CTXND2: variants seen among roughly 807,000 people sequenced by gnomAD.
CTXND2 encodes cortexin domain containing 2.
intron 1 of CTXND2, among the ~76,000 whole-genome samples, chr1:150,902,762 A>G (rs776964055): frequency 6.6e-5 from 10 of 152,110 alleles, no homozygotes; most frequent in Non-Finnish European, 1.0e-4. Context: ...AGTGGAATAT[A>G]AACAAGACAA....
At chr1:150,912,881 TAAG>T (rs1669279658) in exon 2 of CTXND2, 1 of 155,534 alleles carries the variant, frequency 6.4e-6, no homozygotes, top group Non-Finnish European at 1.4e-5. Context: ...AAATGTCCTA[TAAG>T]AAGAGTGTAA....
intron 1 of CTXND2, among the ~76,000 whole-genome samples, chr1:150,910,154 G>T (rs587734061): frequency 1.5e-5 from 2 of 129,276 alleles, no homozygotes; most frequent in Admixed American, 8.7e-5. Flanking sequence ...TTTTTGAGAC[G>T]GGTCTCCATC....
intron 1 of CTXND2, among the ~76,000 whole-genome samples, chr1:150,900,108 C>T (rs1325326880): frequency 2.6e-5 from 4 of 152,144 alleles, no homozygotes; most frequent in South Asian, 2.1e-4. Flanking sequence ...GGTCCCTTTC[C>T]ACCGTGTGGA....
intron 1 of CTXND2, among the ~76,000 whole-genome samples, chr1:150,899,319 T>C (rs1668962096): frequency 1.3e-5 from 2 of 151,304 alleles, no homozygotes; most frequent in African/African-American, 4.9e-5. Context: ...CCTATAGTCC[T>C]AGCTACTTGG....
At chr1:150,905,762 G>T (rs1028119747) in intron 1 of CTXND2, among the ~76,000 whole-genome samples, 1 of 151,906 alleles carries the variant, frequency 6.6e-6, no homozygotes, top group African/African-American at 2.4e-5. Context: ...AGGCCGAGAC[G>T]GGCAGATCAC....
rs1669109388 is a variant in CTXND2, at chr1:150,904,953, T to C, written c.-73-7289T>C. Reference sequence around the variant, plus strand: ...ATAAAACTGTAGAACTGCTATGTATTTGTGATTGGGAATGATGCTTTTGCC... The same window carrying C: ...ATAAAACTGTAGAACTGCTATGTATCTGTGATTGGGAATGATGCTTTTGCC... On this transcript the variant is annotated intron_variant, in intron 1 of 1. Coordinates refer to ENST00000636087, the Ensembl canonical transcript of CTXND2. Among the ~76,000 whole-genome samples, 3 of 152,042 alleles carry C rather than the reference T, an allele frequency of 2.0e-5. No homozygotes were observed. In the South Asian group the frequency reaches 6.2e-4, roughly 31 times the overall value.
intron 1 of CTXND2, among the ~76,000 whole-genome samples, chr1:150,903,455 A>G (rs1669077984): frequency 6.6e-6 from 1 of 151,890 alleles, no homozygotes; most frequent in Non-Finnish European, 1.5e-5. Context: ...CTTTTTTTTA[A>G]TTAAAAGATA....
intron 1 of CTXND2, among the ~76,000 whole-genome samples, chr1:150,894,396 A>G (rs748699815): frequency 1.3e-5 from 2 of 152,188 alleles, no homozygotes; most frequent in Non-Finnish European, 2.9e-5. Flanking sequence ...CAAGCTTGTT[A>G]ATTGTATTAT....
chr1:150,905,646 G>A (rs780844617), intron 1 of CTXND2, among the ~76,000 whole-genome samples: 81 of 152,196 alleles, frequency 5.3e-4, no homozygotes, highest in Non-Finnish European at 9.4e-4. Context: ...AGAAGATGGC[G>A]TAGTCAATCG....
At chr1:150,909,068 G>A (rs1163693788) in intron 1 of CTXND2, among the ~76,000 whole-genome samples, 1 of 150,146 alleles carries the variant, frequency 6.7e-6, no homozygotes, top group Non-Finnish European at 1.5e-5. Flanking sequence ...GGTGAAACCC[G>A]ACTCTACTAA....
intron 1 of CTXND2, among the ~76,000 whole-genome samples, chr1:150,910,353 C>G (rs748514720): frequency 6.6e-6 from 1 of 151,908 alleles, no homozygotes; most frequent in Non-Finnish European, 1.5e-5. Flanking sequence ...TGGTCTCAAA[C>G]TCCTGACCTC....
exon 2 of CTXND2, chr1:150,913,060 G>A (rs369292737): frequency 2.0e-5 from 3 of 152,254 alleles, no homozygotes; most frequent in South Asian, 4.1e-4. Flanking sequence ...GAGGGCCCCA[G>A]AAAAGATATA....
At chr1:150,891,694 T>G (rs1327746687) in intron 1 of CTXND2, among the ~76,000 whole-genome samples, 1 of 152,222 alleles carries the variant, frequency 6.6e-6, no homozygotes, top group Non-Finnish European at 1.5e-5. Flanking sequence ...AAAGTCTTAC[T>G]GAACAATTGC....
intron 1 of CTXND2, among the ~76,000 whole-genome samples, chr1:150,906,557 G>T (rs896728116): frequency 2.0e-5 from 3 of 152,198 alleles, no homozygotes; most frequent in Admixed American, 2.0e-4. Flanking sequence ...CTCTGGTCAG[G>T]TTGGAGTAAA....
intron 1 of CTXND2, chr1:150,904,277 CT>C (rs1281050390): frequency 1.3e-5 from 6 of 474,466 alleles, no homozygotes; most frequent in Non-Finnish European, 2.5e-5. Flanking sequence ...GTGTACCATA[CT>C]TTAACAGAGC....
chr1:150,910,886 G>A lies in CTXND2; in HGVS notation c.-73-1356G>A, dbSNP rs587739551. Among the ~76,000 whole-genome samples the A allele has an allele frequency of 1.8e-4, 28 of 151,830 alleles. 1 individual carries two copies. In the South Asian group the frequency reaches 5.4e-3, roughly 29 times the overall value. ...GTGGCGTGATCTCGGCTCACCGCAAGCTCTGCCACCTGGGTTCATACCATT... is the reference window on the plus strand; with the variant it reads ...GTGGCGTGATCTCGGCTCACCGCAAACTCTGCCACCTGGGTTCATACCATT... On this transcript the variant is annotated intron_variant, in intron 1 of 1. Coordinates refer to ENST00000636087, the Ensembl canonical transcript of CTXND2.
intron 1 of CTXND2, among the ~76,000 whole-genome samples, chr1:150,902,587 A>G (rs1669060110): frequency 6.6e-6 from 1 of 152,000 alleles, no homozygotes; most frequent in Non-Finnish European, 1.5e-5. Context: ...GGAGGTAGGT[A>G]GGAATGGGTG....
At chr1:150,901,889 G>A (rs994200121) in intron 1 of CTXND2, among the ~76,000 whole-genome samples, 60 of 64,152 alleles carry the variant, frequency 9.4e-4, no homozygotes, top group African/African-American at 2.8e-3. Flanking sequence ...CTGCACTCCA[G>A]CACTCCAGCC....
At chr1:150,900,075 A>G (rs1021344144) in intron 1 of CTXND2, among the ~76,000 whole-genome samples, 6 of 152,298 alleles carry the variant, frequency 3.9e-5, no homozygotes, top group South Asian at 2.1e-4. Flanking sequence ...TGGCCGCCTG[A>G]GCCAGCAGCA....
Sources: gnomAD v4.1 joint callset for allele counts (sites outside exome capture counted in the v4.1 genomes callset) on GRCh38, gnomAD v4.1.1 for gene constraint, MANE v1.5 for transcripts, NCBI Gene and HGNC (gene_info 2026-07-23, HGNC 2026-07-21) for gene names.